POP1: variants seen among roughly 807,000 people sequenced by gnomAD.
POP1 encodes the protein POP1 ribonuclease P/MRP subunit.
Under a neutral mutation model 102.2 loss-of-function variants are expected in POP1, and 75 were observed. The ratio of observed to expected loss-of-function variants is 0.73; its 90% CI spans 0.61 to 0.89. The LOEUF (loss-of-function observed/expected upper bound fraction) is 0.89, where lower values mean the gene tolerates loss of function less well. POP1 is among the 40% of genes least tolerant of loss of function. The probability of loss-of-function intolerance (pLI) is 0.00; values close to 1 mark genes in which losing one functional copy is unlikely to be tolerated. For synonymous variants in POP1, 436 were observed against 464.1 expected (o/e 0.94, Z 0.78); for missense variants, 1,116 against 1,267.4 (o/e 0.88, Z 1.81).
rs1289163731 is a variant in POP1 at position 98,128,654 on chromosome 8, C to T, written c.486+114C>T. ...AAAACCAAGGCTGGGCATGGTGGCT[C>T]ACGCCTGTAATCTCAGCACTTTGAG... is the stretch of plus-strand genomic sequence containing the variant. On this transcript the variant is annotated intron_variant, in intron 4 of 15. Transcript: ENST00000401707. 5 of 1,214,042 alleles carry T rather than the reference C, an allele frequency of 4.1e-6. No homozygotes were observed. The African/African-American group carries it at 6.0e-5, about 15-fold the overall frequency. 75.2% of individuals were successfully genotyped at this position (1,214,042 alleles called of 1,614,324 possible).
In POP1 at chr8:98,134,675, T is replaced by C; in HGVS notation, c.1011+16T>C. ...CCTTAAACAGGTATAATCCTTCAGGTTATCTCCCGTCATTCTGAAACTGCA... is the reference window on the plus strand; with the variant it reads ...CCTTAAACAGGTATAATCCTTCAGGCTATCTCCCGTCATTCTGAAACTGCA... On this transcript the variant is annotated intron_variant, in intron 7 of 15. Coordinates refer to ENST00000401707, the MANE Select transcript of POP1 (RefSeq NM_001145860.2). The C allele has an allele frequency of 6.3e-7, 1 of 1,590,700 alleles. No homozygotes were observed. Among genetic ancestry groups the C allele is most frequent in the South Asian group, 1.1e-5 (1 of 90,586 alleles).
intron 4 of POP1, 142 bp downstream of exon 4, chr8:98,128,682 G>C: frequency 1.0e-6 from 1 of 953,470 alleles, no homozygotes; most frequent in Non-Finnish European, 1.6e-6. Flanking sequence ...ACTTTGAGAG[G>C]CTGAGGTGGT....
chr8:98,157,947 G>A lies in POP1; in HGVS notation c.2751G>A (p.Arg917=). Residue 917 remains arginine (R), a synonymous_variant, in exon 16 of 16, where the codon AGG becomes AGA. Transcript: ENST00000401707. ...TGAAACAGAAAGAGAAGAAGAAAAGGGAGAAGAGGCAGAAGCCAGGACGTG... is the reference window on the plus strand; with the variant it reads ...TGAAACAGAAAGAGAAGAAGAAAAGAGAGAAGAGGCAGAAGCCAGGACGTG... ...KILKQKEKKK[R]EKRQKPGRAS... 1 of 1,613,942 alleles carries A rather than the reference G, an allele frequency of 6.2e-7. No individual in the cohort carries two copies. Among genetic ancestry groups the A allele is most frequent in the South Asian group, 1.1e-5 (1 of 91,090 alleles).
chr8:98,155,193 T>C (rs1478461203), intron 14 of POP1, among the ~76,000 whole-genome samples: 1 of 152,170 alleles, frequency 6.6e-6, no homozygotes, highest in Non-Finnish European at 1.5e-5. Context: ...GATCCCCTGG[T>C]GTGGTTCAGT....
chr8:98,119,458 G>A (rs577499228), intron 1 of POP1, among the ~76,000 whole-genome samples: 1 of 152,104 alleles, frequency 6.6e-6, no homozygotes, highest in Admixed American at 6.5e-5. Flanking sequence ...AAAACATAAC[G>A]TATCCATTTT....
Position 98,130,068 on chromosome 8 carries a change from A to C in POP1, c.577A>C (p.Asn193His). Residue 193 changes from asparagine to histidine, a missense_variant, in exon 5 of 16, where the codon AAC becomes CAC. Transcript: ENST00000401707. ...RCHMNRTLEF[N>H]RRQKKNIWLE... ...TCACATGAACCGGACGCTAGAATTT[A>C]ACCGTAGACAAAAGAAGAACATTTG... The C allele has an allele frequency of 3.7e-6, 6 of 1,614,210 alleles. No individual in the cohort carries two copies. The highest frequency in any genetic ancestry group is 4.2e-6 in the Non-Finnish European group (5 of 1,180,022).
chr8:98,128,388 G>A lies in POP1; in HGVS notation c.334G>A (p.Ala112Thr), dbSNP rs778808837. The A allele has an allele frequency of 2.5e-6, 4 of 1,614,060 alleles. No individual in the cohort carries two copies. The highest frequency in any genetic ancestry group is 3.3e-4 in the Middle Eastern group (2 of 6,020). ...AGCTTCTACTTTTGCTCAAGCACGA[G>A]CTGCTGAAATCAGTGCTATGTTAAA... Reference protein sequence around the residue: ...ITASTFAQARAAEISAMLKAV... With the variant: ...ITASTFAQARTAEISAMLKAV... Residue 112 changes from alanine to threonine, a missense_variant, in exon 4 of 16, where the codon GCT (alanine) becomes ACT (threonine). Transcript: ENST00000401707.
In POP1 at chr8:98,136,672, G is replaced by C. The variant is rs766132740; in HGVS notation, c.1202G>C (p.Gly401Ala). ...ENAKPIKKII[G>A]DGTRDPCLPY... Reference sequence around the variant, plus strand: ...GCTAAACCAATTAAAAAAATTATCGGTGATGGAACTAGAGATCCATGTCTA... The same window carrying C: ...GCTAAACCAATTAAAAAAATTATCGCTGATGGAACTAGAGATCCATGTCTA... The change falls in exon 8 of 16, where the codon GGT (glycine) becomes GCT (alanine). Residue 401 changes from glycine to alanine, a missense_variant. By Grantham distance (60) the Gly-to-Ala change is moderately conservative. Coordinates refer to ENST00000401707, the MANE Select transcript of POP1 (RefSeq NM_001145860.2). The C allele has an allele frequency of 1.1e-5, 17 of 1,612,698 alleles. No homozygotes were observed. The highest frequency in any genetic ancestry group is 1.4e-5 in the Non-Finnish European group (17 of 1,178,788).
At position 98,123,364 on chromosome 8, in the gene POP1, C is replaced by G. The variant is rs376017756; in HGVS notation, c.27C>G (p.His9Gln). Residue 9 changes from histidine to glutamine, a missense_variant, in exon 2 of 16, where the codon CAC becomes CAG. Coordinates refer to ENST00000401707, the MANE Select transcript of POP1 (RefSeq NM_001145860.2). ...TGTCAAATGCAAAAGAAAGAAAACA[C>G]GCCAAGAAAATGAGAAACCAGCCTA... MSNAKERK[H>Q]AKKMRNQPTN... 1 of 1,613,852 alleles carries G rather than the reference C, an allele frequency of 6.2e-7. No homozygotes were observed. The highest frequency in any genetic ancestry group is 2.2e-5 in the East Asian group (1 of 44,864).
intron 3 of POP1, 138 bp downstream of exon 3, chr8:98,127,900 C>A: frequency 1.1e-6 from 1 of 900,446 alleles, no homozygotes; most frequent in Non-Finnish European, 1.7e-6. Context: ...ACCCTTCTCG[C>A]CTCTAGCCTG....
chr8:98,124,665 G>A (rs1256009487), intron 2 of POP1, among the ~76,000 whole-genome samples: 1 of 152,170 alleles, frequency 6.6e-6, no homozygotes, highest in East Asian at 1.9e-4. Context: ...CGTAATTCAG[G>A]GACGTATGAA....
chr8:98,126,372 G>A (rs564674863), intron 2 of POP1, among the ~76,000 whole-genome samples: 2 of 152,202 alleles, frequency 1.3e-5, no homozygotes, highest in South Asian at 4.1e-4. Flanking sequence ...GACATGACAG[G>A]TGGAAAATTG....
chr8:98,135,305 C>T (rs1816504355), intron 7 of POP1, among the ~76,000 whole-genome samples: 1 of 151,724 alleles, frequency 6.6e-6, no homozygotes, highest in Non-Finnish European at 1.5e-5. Flanking sequence ...CTTGACATCT[C>T]ATATTTTTAG....
At chr8:98,143,445 G>A (rs183835227) in intron 11 of POP1, among the ~76,000 whole-genome samples, 20 of 151,918 alleles carry the variant, frequency 1.3e-4, no homozygotes, top group Admixed American at 1.2e-3. Flanking sequence ...TCCATGCACC[G>A]CCACCACACA....
At chr8:98,129,858 A>G (rs1235004226) in intron 4 of POP1, 120 bp from the exon 5 acceptor site, 2 of 1,179,506 alleles carry the variant, frequency 1.7e-6, no homozygotes, top group Non-Finnish European at 2.5e-6. Context: ...AATTTAAGCA[A>G]ACTAATGGGA....
intron 14 of POP1, among the ~76,000 whole-genome samples, chr8:98,151,117 G>T (rs1809502717): frequency 6.6e-6 from 1 of 151,616 alleles, no homozygotes; most frequent in African/African-American, 2.4e-5. Context: ...TGGTGGTCTT[G>T]CTCTGTTGCC....
At chr8:98,125,013 CAG>C (rs1249520551) in intron 2 of POP1, among the ~76,000 whole-genome samples, 1 of 152,166 alleles carries the variant, frequency 6.6e-6, no homozygotes, top group Non-Finnish European at 1.5e-5. Flanking sequence ...TCAGATCCTA[CAG>C]TTGATGCCTA....
intron 14 of POP1, among the ~76,000 whole-genome samples, chr8:98,151,271 G>A (rs1480351457): frequency 2.0e-5 from 3 of 152,110 alleles, no homozygotes; most frequent in African/African-American, 7.2e-5. Context: ...CTGTAGAGAC[G>A]GGGTTTCACC....
chr8:98,152,822 C>T (rs1224770141), intron 14 of POP1, among the ~76,000 whole-genome samples: 1 of 152,184 alleles, frequency 6.6e-6, no homozygotes, highest in Non-Finnish European at 1.5e-5. Context: ...TGAACATCTT[C>T]CTGTATGCAT....
Sources: gnomAD v4.1 joint callset for allele counts (sites outside exome capture counted in the v4.1 genomes callset) on GRCh38, gnomAD v4.1.1 for gene constraint, MANE v1.5 for transcripts, NCBI Gene and HGNC (gene_info 2026-07-23, HGNC 2026-07-21) for gene names.